The following PDZRN3 variants were observed in gnomAD, a reference collection of about 807,000 sequenced individuals.
PDZRN3 encodes PDZ domain containing ring finger 3.
PDZRN3 carries 38 observed loss-of-function variants against 85.7 expected under a neutral mutation model. That is an observed-to-expected ratio of 0.44 (90% CI 0.34 to 0.58). The LOEUF (loss-of-function observed/expected upper bound fraction) is 0.58. PDZRN3 is among the 20% of genes least tolerant of loss of function. PDZRN3 has a pLI of 0.01. For missense variants in PDZRN3, 1,629 were observed against 1,506.4 expected, an observed-to-expected ratio of 1.08 and a Z score of -1.35; for synonymous variants, 759 against 638.0, an observed-to-expected ratio of 1.19 and a Z score of -2.86.
At position 73,463,821 on chromosome 3, in the gene PDZRN3, A is replaced by G. The variant is rs552051167; in HGVS notation, c.919-59426T>C. 2.6e-5 allele frequency among the ~76,000 whole-genome samples: 4 copies of G among 152,316 alleles called. No homozygotes were observed. In the South Asian group the frequency reaches 8.3e-4, roughly 32 times the overall value. Reference sequence around the variant, plus strand: ...AAAGAAAATGTGGTACATATACACCATGGAAAAATAACTAATGGATAGTAG... The same window carrying G: ...AAAGAAAATGTGGTACATATACACCGTGGAAAAATAACTAATGGATAGTAG... On this transcript the variant is annotated intron_variant, in intron 3 of 9. Coordinates refer to ENST00000263666, the MANE Select transcript of PDZRN3 (RefSeq NM_015009.3).
intron 3 of PDZRN3, among the ~76,000 whole-genome samples, chr3:73,510,963 C>G (rs1419318915): frequency 6.6e-6 from 1 of 152,134 alleles, no homozygotes; most frequent in Non-Finnish European, 1.5e-5. Flanking sequence ...AAACCTTGGA[C>G]AGAGAAACCG....
chr3:73,569,097 G>C, intron 3 of PDZRN3: 1 of 1,129,098 alleles, frequency 8.9e-7, no homozygotes, highest in Non-Finnish European at 1.2e-6. Flanking sequence ...GCTGAACTTT[G>C]AACCCAGCTC....
At chr3:73,454,995 T>C (rs1244325191) in intron 3 of PDZRN3, among the ~76,000 whole-genome samples, 1 of 152,166 alleles carries the variant, frequency 6.6e-6, no homozygotes, top group East Asian at 1.9e-4. Context: ...GGAGTTCCAT[T>C]CAATTATGCC....
At chr3:73,469,346 C>G (rs1391882672) in intron 3 of PDZRN3, among the ~76,000 whole-genome samples, 1 of 152,224 alleles carries the variant, frequency 6.6e-6, no homozygotes, top group Non-Finnish European at 1.5e-5. Context: ...GCTGGGATTA[C>G]AGGCGTGAGC....
chr3:73,480,116 C>A (rs1392173128), intron 3 of PDZRN3, among the ~76,000 whole-genome samples: 1 of 152,188 alleles, frequency 6.6e-6, no homozygotes, highest in Admixed American at 6.5e-5. Context: ...CTAATACTCC[C>A]CCATCACTAG....
chr3:73,515,237 G>A (rs1575702698), intron 3 of PDZRN3, among the ~76,000 whole-genome samples: 1 of 141,442 alleles, frequency 7.1e-6, no homozygotes, highest in African/African-American at 2.6e-5. Flanking sequence ...ATGCAGTGGC[G>A]CGATCTCGGC....
At chr3:73,545,443 GA>G (rs1170072798) in intron 3 of PDZRN3, among the ~76,000 whole-genome samples, 1 of 151,976 alleles carries the variant, frequency 6.6e-6, no homozygotes, top group African/African-American at 2.4e-5. Context: ...AGCTACGTAA[GA>G]AAAAAAATGC....
At position 73,573,435 on chromosome 3, in the gene PDZRN3, C is replaced by T. The variant is rs146891321; in HGVS notation, c.918+28919G>A. 2.1e-4 allele frequency among the ~76,000 whole-genome samples: 32 copies of T among 152,260 alleles called. 1 individual carries two copies. In the East Asian group the frequency reaches 3.7e-3, roughly 17 times the overall value. On this transcript the variant is annotated intron_variant, in intron 3 of 9. Transcript: ENST00000263666. ...GAACTTTCTAGCAGAGGTTAACACA[C>T]GTCACTCACCAGGTCATATTTGTCC...
intron 3 of PDZRN3, among the ~76,000 whole-genome samples, chr3:73,416,881 T>TTTTTTTTG (rs1559667700): frequency 1.7e-5 from 2 of 119,810 alleles, no homozygotes; most frequent in African/African-American, 6.8e-5. Flanking sequence ...TTTTGGTTTT[T>TTTTTTTTG]TTTTTTTTTT....
chr3:73,529,317 T>TC (rs1704600748), intron 3 of PDZRN3, among the ~76,000 whole-genome samples: 1 of 152,172 alleles, frequency 6.6e-6, no homozygotes, highest in Admixed American at 6.5e-5. Flanking sequence ...CATGTGCTTG[T>TC]CCCAAGGCAT....
intron 3 of PDZRN3, among the ~76,000 whole-genome samples, chr3:73,472,981 C>T (rs183253014): frequency 8.5e-5 from 13 of 152,232 alleles, no homozygotes; most frequent in East Asian, 5.8e-4. Context: ...ATTTAATTAA[C>T]GTGCAGTGAA....
chr3:73,460,978 G>C (rs1483174291), intron 3 of PDZRN3, among the ~76,000 whole-genome samples: 1 of 152,086 alleles, frequency 6.6e-6, no homozygotes, highest in East Asian at 1.9e-4. Flanking sequence ...ATTTTTAGTA[G>C]AGATAGGGCT....
At chr3:73,511,405 GC>G (rs148982879) in intron 3 of PDZRN3, among the ~76,000 whole-genome samples, 1 of 152,106 alleles carries the variant, frequency 6.6e-6, no homozygotes, top group South Asian at 2.1e-4. Context: ...TGTCGGCTGG[GC>G]CCCCCGTCTG....
At chr3:73,467,210 C>T (rs139047101) in intron 3 of PDZRN3, among the ~76,000 whole-genome samples, 1 of 152,292 alleles carries the variant, frequency 6.6e-6, no homozygotes, top group African/African-American at 2.4e-5. Context: ...AGTAAAGCCA[C>T]AGAGTCAGGT....
At chr3:73,567,221 TG>T (rs1446295334) in intron 3 of PDZRN3, among the ~76,000 whole-genome samples, 12 of 152,180 alleles carry the variant, frequency 7.9e-5, no homozygotes, top group Non-Finnish European at 1.8e-4. Flanking sequence ...CTATCCTTCC[TG>T]GGGCTTTTCA....
At chr3:73,619,439 C>G (rs966262586) in intron 1 of PDZRN3, among the ~76,000 whole-genome samples, 2 of 152,158 alleles carry the variant, frequency 1.3e-5, no homozygotes, top group African/African-American at 4.8e-5. Flanking sequence ...GTCCGAGAGG[C>G]CTGGCTTCCT....
intron 3 of PDZRN3, among the ~76,000 whole-genome samples, chr3:73,459,007 A>AG (rs1408471759): frequency 9.9e-5 from 15 of 151,522 alleles, no homozygotes; most frequent in South Asian, 8.4e-4. Flanking sequence ...AAAAAAAAAA[A>AG]AGAAAAAAAA....
chr3:73,500,187 T>C (rs144585725), intron 3 of PDZRN3, among the ~76,000 whole-genome samples: 2,775 of 152,068 alleles, frequency 0.018, 85 homozygotes, highest in African/African-American at 0.056. Flanking sequence ...TAGCTGGGAC[T>C]ACAGGCATAT....
chr3:73,500,514 T>C (rs1049544059), intron 3 of PDZRN3, among the ~76,000 whole-genome samples: 4 of 152,206 alleles, frequency 2.6e-5, no homozygotes, highest in African/African-American at 9.6e-5. Context: ...GACTGCTGAA[T>C]GCTAATCACC....
Sources: allele counts gnomAD v4.1 joint callset (sites outside exome capture counted in the v4.1 genomes callset), GRCh38; gene constraint gnomAD v4.1.1; transcripts MANE v1.5; gene names NCBI Gene and HGNC (gene_info 2026-07-23, HGNC 2026-07-21).